Variants in CSDE1 observed in about 807,000 individuals in gnomAD.
CSDE1 encodes the protein cold shock domain-containing protein E1.
CSDE1 carries 17 observed loss-of-function variants against 89.3 expected under a neutral mutation model. The observed-to-expected ratio is 0.19, with a 90% CI of 0.13 to 0.29. CSDE1 has a LOEUF of 0.29. Among genes scored for constraint, CSDE1 ranks in the 10% least tolerant of loss-of-function variants. The pLI, the probability that CSDE1 is intolerant of heterozygous loss-of-function variation, is 1.00. For missense variants in CSDE1, 672 were observed against 984.2 expected, an observed-to-expected ratio of 0.68 and a Z score of 4.24; for synonymous variants, 322 against 332.8, an observed-to-expected ratio of 0.97 and a Z score of 0.35.
At chr1:114,730,152 G>T in intron 12 of CSDE1, 106 bp downstream of exon 12, 1 of 1,305,592 alleles carries the variant, frequency 7.7e-7, no homozygotes, top group Non-Finnish European at 1.1e-6. Context: ...CAGAAATTCT[G>T]AAAGAGACAA....
rs1244742778 is a variant in CSDE1 at position 114,733,736 on chromosome 1, T to C, written c.833A>G (p.Asn278Ser). Residue 278 changes from asparagine (N) to serine (S), a missense_variant, in exon 9 of 20, where the codon AAC (asparagine) becomes AGC (serine). Around this residue, in one of 8 missense-constraint regions of CSDE1, gnomAD observed 169 missense variants for 262.9 expected, o/e 0.64. Transcript: ENST00000358528. ...CTCCTGAAAAAGATTATTTACCTGG[T>C]TTTTACTGGGTACTTTTGGGATAAC... ...TKVIPKVPSK[N>S]QNDPLPGRIK... The C allele has an allele frequency of 1.2e-6, 2 of 1,613,214 alleles. No individual in the cohort carries two copies. The highest frequency in any genetic ancestry group is 2.2e-5 in the South Asian group (2 of 90,960).
intron 2 of CSDE1, among the ~76,000 whole-genome samples, chr1:114,743,876 G>A (rs1161243211): frequency 6.6e-6 from 1 of 152,178 alleles, no homozygotes; most frequent in Non-Finnish European, 1.5e-5. Context: ...TTTGGAGGAA[G>A]CCTTTATTTT....
At chr1:114,745,752 T>C (rs1367470463) in intron 2 of CSDE1, among the ~76,000 whole-genome samples, 1 of 152,220 alleles carries the variant, frequency 6.6e-6, no homozygotes, top group Admixed American at 6.5e-5. Flanking sequence ...TTGACAAAAT[T>C]AGTCCTCCTT....
At chr1:114,757,304 T>C (rs1443907378) in intron 1 of CSDE1, among the ~76,000 whole-genome samples, 3 of 152,134 alleles carry the variant, frequency 2.0e-5, no homozygotes, top group Non-Finnish European at 4.4e-5. Context: ...ACACTTCCCC[T>C]AAGATATCTA....
intron 3 of CSDE1, 145 bp from the exon 4 acceptor site, chr1:114,738,217 A>T: frequency 1.6e-6 from 1 of 636,632 alleles, no homozygotes; most frequent in Non-Finnish European, 2.8e-6. Context: ...CATTAACATC[A>T]CCTGGGAGCT....
Position 114,724,368 on chromosome 1 carries a change from C to A in CSDE1, c.1754-366G>T, listed in dbSNP as rs546035050. On this transcript the variant is annotated intron_variant, in intron 15 of 19. Coordinates refer to ENST00000358528, the MANE Select transcript of CSDE1 (RefSeq NM_001007553.3). ...GTAAATCACAATACTTACATACTGT[C>A]CTGATTCATCTTTATTACATGTATT... 257 of 186,444 alleles carry A rather than the reference C, an allele frequency of 1.4e-3. 2 individuals are homozygous for A. Among genetic ancestry groups the A allele is most frequent in the African/African-American group, 5.8e-3 (241 of 41,840 alleles). 11.5% of individuals were successfully genotyped at this position (186,444 alleles called of 1,614,324 possible).
chr1:114,732,452 A>G, intron 10 of CSDE1, 152 bp downstream of exon 10: 1 of 709,936 alleles, frequency 1.4e-6, no homozygotes, highest in South Asian at 1.9e-5. Flanking sequence ...ACCCAGACTG[A>G]CTCAAATGTG....
At position 114,733,735 on chromosome 1, in the gene CSDE1, G is replaced by A. The variant is rs1223550229; in HGVS notation, c.834C>T (p.Asn278=). ...TKVIPKVPSK[N]QNDPLPGRIK... is the part of the protein sequence containing the mutation. ...TCTCCTGAAAAAGATTATTTACCTG[G>A]TTTTTACTGGGTACTTTTGGGATAA... The change falls in exon 9 of 20, where the codon AAC becomes AAT. Residue 278 remains asparagine, a synonymous_variant. Transcript: ENST00000358528. 1 of 1,613,218 alleles carries A rather than the reference G, an allele frequency of 6.2e-7. No homozygotes were observed.
chr1:114,749,520 A>AAT (rs1661191903), intron 2 of CSDE1, among the ~76,000 whole-genome samples: 1 of 152,260 alleles, frequency 6.6e-6, no homozygotes, highest in Non-Finnish European at 1.5e-5. Flanking sequence ...TCATAGAAAG[A>AAT]CTGCAATGCA....
chr1:114,731,246 A>G (rs907383698), intron 10 of CSDE1, among the ~76,000 whole-genome samples: 10 of 152,186 alleles, frequency 6.6e-5, no homozygotes, highest in Non-Finnish European at 1.3e-4. Flanking sequence ...TACATACTAC[A>G]TATCTGCTCA....
Position 114,734,477 on chromosome 1 carries a change from G to C in CSDE1, c.547C>G (p.Gln183Glu). Residue 183 changes from glutamine to glutamate, a missense_variant, in exon 7 of 20, where the codon CAA becomes GAA. Gln to Glu is a conservative substitution (Grantham distance 29, BLOSUM62 2). Transcript: ENST00000358528. ...CAAACTACTCCCTGACAGCGGGCTT[G>C]TTTCTTTTTCAACAGCATAATGTTG... ...ARNIMLLKKK[Q>E]ARCQGVVCAM... 1.2e-6 allele frequency: 2 copies of C among 1,612,838 alleles called. No homozygotes were observed. The highest frequency in any genetic ancestry group is 1.7e-6 in the Non-Finnish European group (2 of 1,179,638).
At chr1:114,745,929 T>C (rs1253415069) in intron 2 of CSDE1, among the ~76,000 whole-genome samples, 7 of 152,192 alleles carry the variant, frequency 4.6e-5, no homozygotes, top group Admixed American at 4.6e-4. Context: ...AAAAGTAAAG[T>C]GGGAGCACCT....
At position 114,749,856 on chromosome 1, in the gene CSDE1, T is replaced by G. The variant is rs1396900204; in HGVS notation, c.-36A>C. The G allele has an allele frequency of 2.0e-5, 3 of 152,636 alleles. No homozygotes were observed. The highest frequency in any genetic ancestry group is 7.2e-5 in the African/African-American group (3 of 41,438). The allele number at this position is 152,636 out of a possible 1,614,324, so 9.5% of individuals were successfully genotyped here. A position where few individuals can be genotyped will look rare whatever the true frequency, so the allele number is the denominator to read the frequency against. On this transcript the variant is annotated 5_prime_UTR_variant, in exon 2 of 20. Transcript: ENST00000358528. ...TACTCAAATATTGCACTTTCAGTAG[T>G]ATTTGCTGATTCTTCTTTTTCAGCA... is the stretch of plus-strand genomic sequence containing the variant.
At chr1:114,750,300 A>T (rs1661234074) in intron 1 of CSDE1, 93 bp from the exon 2 acceptor site, 1 of 152,200 alleles carries the variant, frequency 6.6e-6, no homozygotes, top group African/African-American at 2.4e-5. Context: ...TCATTAACTT[A>T]GAATCATGGG....
chr1:114,741,505 G>C lies in CSDE1; in HGVS notation c.1-1615C>G, dbSNP rs758629267. ...CTTAACACAAAGCAAGGTAAGCTGA[G>C]ATGACTGCTTTCCTGACTTACAGAT... On this transcript the variant is annotated intron_variant, in intron 2 of 19. Transcript: ENST00000358528. 3.9e-6 allele frequency: 6 copies of C among 1,541,900 alleles called. No homozygotes were observed. The Middle Eastern group carries it at 6.7e-4, about 173-fold the overall frequency.
chr1:114,748,601 TGAA>T (rs1357302273), intron 2 of CSDE1, among the ~76,000 whole-genome samples: 1 of 152,238 alleles, frequency 6.6e-6, no homozygotes, highest in Non-Finnish European at 1.5e-5. Context: ...CTATGAACAA[TGAA>T]GGTTTCTAGT....
At chr1:114,749,792 T>C (rs1187656455) in intron 2 of CSDE1, 29 bp downstream of exon 2, 1 of 152,678 alleles carries the variant, frequency 6.5e-6, no homozygotes, top group African/African-American at 2.4e-5. Flanking sequence ...ATTATGGAAC[T>C]GATTCTTAAT....
At chr1:114,730,935 A>G (rs1161426912) in intron 10 of CSDE1, among the ~76,000 whole-genome samples, 3 of 152,242 alleles carry the variant, frequency 2.0e-5, no homozygotes, top group Non-Finnish European at 4.4e-5. Flanking sequence ...GTATTTCATA[A>G]AAGCCCAAGT....
At chr1:114,721,037 A>G (rs1035024333) in intron 16 of CSDE1, among the ~76,000 whole-genome samples, 7 of 152,232 alleles carry the variant, frequency 4.6e-5, no homozygotes, top group Non-Finnish European at 7.3e-5. Context: ...TGGGTTGCCA[A>G]TATTCACAGG....
Sources: allele counts gnomAD v4.1 joint callset (sites outside exome capture counted in the v4.1 genomes callset), GRCh38; gene constraint gnomAD v4.1.1; regional missense constraint gnomAD v4.1.1; transcripts MANE v1.5; gene names NCBI Gene and HGNC (gene_info 2026-07-23, HGNC 2026-07-21).